GNB1: variants seen among roughly 807,000 people sequenced by gnomAD.
GNB1 encodes guanine nucleotide-binding protein G(I)/G(S)/G(T) subunit beta-1.
In GNB1, 2 loss-of-function variants were observed where a neutral mutation model predicts 42.9. The ratio of observed to expected loss-of-function variants is 0.05; its 90% confidence interval spans 0.02 to 0.15. The LOEUF (loss-of-function observed/expected upper bound fraction) is 0.15. GNB1 is among the 10% of genes least tolerant of loss of function. The pLI is 1.00. For synonymous variants in GNB1, 183 were observed against 174.7 expected (o/e 1.05, Z -0.38); for missense variants, 193 against 462.2 (o/e 0.42, Z 5.34).
intron 1 of GNB1, among the ~76,000 whole-genome samples, chr1:1,845,871 A>G (rs895355384): frequency 6.8e-6 from 1 of 148,022 alleles, no homozygotes; most frequent in African/African-American, 2.5e-5. Context: ...ACACACACAC[A>G]CGTATATCTC....
At chr1:1,865,131 G>A (rs1309229421) in intron 1 of GNB1, among the ~76,000 whole-genome samples, 2 of 150,980 alleles carry the variant, frequency 1.3e-5, no homozygotes, top group South Asian at 2.1e-4. Context: ...GCGTGGTGGC[G>A]GGCACCTGAA....
At chr1:1,850,033 A>G (rs1647896227) in intron 1 of GNB1, among the ~76,000 whole-genome samples, 1 of 152,016 alleles carries the variant, frequency 6.6e-6, no homozygotes, top group African/African-American at 2.4e-5. Flanking sequence ...CAATGGCACA[A>G]TCTCAGCTCA....
intron 1 of GNB1, among the ~76,000 whole-genome samples, chr1:1,875,120 T>G (rs1557946818): frequency 6.6e-6 from 1 of 152,002 alleles, no homozygotes; most frequent in East Asian, 1.9e-4. Flanking sequence ...TCTCACCTGC[T>G]GTGCAGCCCG....
intron 10 of GNB1, chr1:1,788,123 T>TC (rs1300814742): frequency 3.9e-5 from 6 of 152,006 alleles, no homozygotes; most frequent in Non-Finnish European, 7.3e-5. Flanking sequence ...TTGTCTGTGA[T>TC]CCCTAGAGCC....
At chr1:1,827,058 T>C (rs1647008780) in intron 2 of GNB1, among the ~76,000 whole-genome samples, 2 of 152,238 alleles carry the variant, frequency 1.3e-5, no homozygotes, top group Non-Finnish European at 2.9e-5. Flanking sequence ...TTATAACTTT[T>C]GTGTAAGTCA....
chr1:1,788,984 A>G, intron 10 of GNB1, 69 bp downstream of exon 10: 2 of 1,123,274 alleles, frequency 1.8e-6, no homozygotes, highest in South Asian at 2.5e-5. Flanking sequence ...TTATGCAACC[A>G]CTCTGTGTTT....
At chr1:1,799,999 T>G (rs1040229046) in intron 7 of GNB1, among the ~76,000 whole-genome samples, 2 of 152,242 alleles carry the variant, frequency 1.3e-5, no homozygotes, top group Non-Finnish European at 2.9e-5. Flanking sequence ...AACAGAGGTT[T>G]CTGCTGCTGC....
At chr1:1,804,928 G>A (rs540128978) in intron 6 of GNB1, among the ~76,000 whole-genome samples, 4 of 152,264 alleles carry the variant, frequency 2.6e-5, no homozygotes, top group East Asian at 1.9e-4. Flanking sequence ...GGGAGGCTAA[G>A]TCGGGCAGAT....
At chr1:1,816,679 C>T (rs1425445398) in intron 4 of GNB1, among the ~76,000 whole-genome samples, 4 of 135,486 alleles carry the variant, frequency 3.0e-5, no homozygotes, top group African/African-American at 8.4e-5. Flanking sequence ...GATGGAGTCT[C>T]GCTCTGTCTC....
rs569650503 is a variant in GNB1 at position 1,867,407 on chromosome 1, A to G, written c.-96+23413T>C. 2.0e-5 allele frequency among the ~76,000 whole-genome samples: 3 copies of G among 152,338 alleles called. No individual in the cohort carries two copies. The East Asian group carries it at 5.8e-4, about 29-fold the overall frequency. ...TGTACCAGGCACTGTCAGAGGATAT[A>G]CCAGGAAATAAAACATGAAGTTCTC... On this transcript the variant is annotated intron_variant, in intron 1 of 11. Coordinates refer to ENST00000378609, the MANE Select transcript of GNB1 (RefSeq NM_002074.5).
chr1:1,793,893 A>C (rs1286727189), intron 7 of GNB1: 1 of 153,658 alleles, frequency 6.5e-6, no homozygotes, highest in African/African-American at 2.4e-5. Context: ...CAGCCAGGGC[A>C]GGAGGCGGCG....
At chr1:1,873,057 T>TA in intron 1 of GNB1, among the ~76,000 whole-genome samples, 1 of 145,314 alleles carries the variant, frequency 6.9e-6, no homozygotes, top group East Asian at 2.0e-4. Flanking sequence ...CTAAGCCTTG[T>TA]TTTTTTTTTT....
In GNB1 at chr1:1,790,418, C is replaced by G; in HGVS notation, c.676G>C (p.Glu226Gln). ...GMCRQTFTGH[E>Q]SDINAICFFP... ...ACGCAAATGGCATTGATGTCAGACT[C>G]GTGGCCAGTGAAGGTCTGCCGGCAC... Residue 226 changes from glutamate (E) to glutamine (Q), a missense_variant, in exon 9 of 12, where the codon GAG becomes CAG. Around this residue, in one of 2 missense-constraint regions of GNB1, gnomAD observed 150 missense variants for 410.8 expected, o/e 0.37. Coordinates refer to ENST00000378609, the MANE Select transcript of GNB1 (RefSeq NM_002074.5). This position sits in a 1 kb window ranked among gnomAD's most constrained non-coding sequence, Gnocchi z 5.4. 1 of 1,613,774 alleles carries G rather than the reference C, an allele frequency of 6.2e-7. No homozygotes were observed. Among genetic ancestry groups the G allele is most frequent in the Non-Finnish European group, 8.5e-7 (1 of 1,179,628 alleles).
At chr1:1,884,685 C>T (rs1650048042) in intron 1 of GNB1, among the ~76,000 whole-genome samples, 1 of 145,212 alleles carries the variant, frequency 6.9e-6, no homozygotes, top group Non-Finnish European at 1.5e-5. Context: ...TATTCCCATT[C>T]TTTTTTTTTT....
chr1:1,792,770 T>G (rs919999343), intron 8 of GNB1, among the ~76,000 whole-genome samples: 1 of 151,648 alleles, frequency 6.6e-6, no homozygotes, highest in Non-Finnish European at 1.5e-5. Flanking sequence ...GTAAATTTAT[T>G]AGAAGTATAA....
At position 1,790,497 on chromosome 1, in the gene GNB1, G is replaced by T; in HGVS notation, c.597C>A (p.Phe199Leu). ...CTGAAGCATCACAAGCACCAGAGAC[G>T]AACAGTCTGGTGTCAGGAGCAAGAG... is the stretch of plus-strand genomic sequence containing the variant. ...SLSLAPDTRL[F>L]VSGACDASAK... The change falls in exon 9 of 12, where the codon TTC becomes TTA. Residue 199 changes from phenylalanine to leucine, a missense_variant. Coordinates refer to ENST00000378609, the MANE Select transcript of GNB1 (RefSeq NM_002074.5). The surrounding 1 kb of genome is among the most constrained non-coding windows in gnomAD (Gnocchi z 5.4). The T allele has an allele frequency of 6.2e-7, 1 of 1,611,990 alleles. No individual in the cohort carries two copies. The highest frequency in any genetic ancestry group is 8.5e-7 in the Non-Finnish European group (1 of 1,178,134).
At chr1:1,822,027 C>T (rs1413632060) in intron 3 of GNB1, among the ~76,000 whole-genome samples, 5 of 151,984 alleles carry the variant, frequency 3.3e-5, no homozygotes, top group Admixed American at 1.3e-4. Context: ...TCCAGCTACT[C>T]GGGAGGCTGC....
intron 7 of GNB1, among the ~76,000 whole-genome samples, chr1:1,798,530 A>G (rs748655664): frequency 2.0e-5 from 3 of 152,188 alleles, no homozygotes; most frequent in African/African-American, 4.8e-5. Context: ...CTTCTGATCA[A>G]TGCTTATGTA....
At chr1:1,816,644 C>CTTTTTTTTTTTTTT (rs59065707) in intron 4 of GNB1, among the ~76,000 whole-genome samples, 2 of 108,636 alleles carry the variant, frequency 1.8e-5, no homozygotes, top group Non-Finnish European at 3.8e-5. Context: ...TTTTTATTAT[C>CTTTTTTTTTTTTTT]TTTTTTTTTT....
Sources: allele counts gnomAD v4.1 joint callset (sites outside exome capture counted in the v4.1 genomes callset), GRCh38; gene constraint gnomAD v4.1.1; regional missense constraint gnomAD v4.1.1; non-coding constraint Gnocchi (gnomAD v3.1); transcripts MANE v1.5; gene names NCBI Gene and HGNC (gene_info 2026-07-23, HGNC 2026-07-21).